ARNT2: variants seen among roughly 807,000 people sequenced by gnomAD.
ARNT2 encodes ARNT protein 2.
Under a neutral mutation model 91.7 loss-of-function variants are expected in ARNT2, and 36 were observed. The ratio of observed to expected loss-of-function variants is 0.39; its 90% CI spans 0.30 to 0.52. The LOEUF is 0.52. Ranked by LOEUF, ARNT2 falls within the 20% of genes least tolerant of loss-of-function variation. The pLI is 0.72. For missense variants in ARNT2, 775 were observed against 939.3 expected (o/e 0.83, Z 2.29); for synonymous variants, 365 against 347.1 (o/e 1.05, Z -0.57).
chr15:80,529,112 T>C (rs1035327141), intron 8 of ARNT2, among the ~76,000 whole-genome samples: 2 of 152,240 alleles, frequency 1.3e-5, no homozygotes, highest in African/African-American at 4.8e-5. Flanking sequence ...GAGCAGGTGC[T>C]TCATTTCATG....
Position 80,431,486 on chromosome 15 carries a change from G to T in ARNT2, c.32-19394G>T, listed in dbSNP as rs558463074. ...GCTTCCCTTCAGGGTCCTGAAGAGG[G>T]CACAGAGGGCTCCCTGGCTCCCTTT... On this transcript the variant is annotated intron_variant, in intron 1 of 18. Coordinates refer to ENST00000303329, the MANE Select transcript of ARNT2 (RefSeq NM_014862.4). Among the ~76,000 whole-genome samples the T allele has an allele frequency of 5.6e-4, 85 of 152,246 alleles. 1 individual carries two copies. The South Asian group carries it at 0.017, about 30-fold the overall frequency.
intron 1 of ARNT2, among the ~76,000 whole-genome samples, chr15:80,439,028 A>C (rs1160997896): frequency 6.6e-6 from 1 of 152,146 alleles, no homozygotes; most frequent in African/African-American, 2.4e-5. Flanking sequence ...TTGATAATTG[A>C]TTTGCACACA....
intron 18 of ARNT2, among the ~76,000 whole-genome samples, chr15:80,592,383 C>T (rs529140587): frequency 6.6e-6 from 1 of 152,192 alleles, no homozygotes; most frequent in African/African-American, 2.4e-5. Context: ...AATGGAGGTA[C>T]GAGCCCATTA....
chr15:80,581,424 G>A lies in ARNT2; in HGVS notation c.1918+20G>A. On this transcript the variant is annotated intron_variant, in intron 17 of 18. Transcript: ENST00000303329. ...GGTTCGGTAGGTGGGGAATGAGGGA[G>A]TGAGATTCTGGGAAAGCCAGCACAA... The A allele has an allele frequency of 6.2e-7, 1 of 1,613,714 alleles. No homozygotes were observed. The highest frequency in any genetic ancestry group is 8.5e-7 in the Non-Finnish European group (1 of 1,179,706).
intron 8 of ARNT2, among the ~76,000 whole-genome samples, chr15:80,547,362 C>T (rs571089512): frequency 1.5e-3 from 235 of 152,114 alleles, no homozygotes; most frequent in African/African-American, 5.5e-3. Flanking sequence ...GTTTAAATGC[C>T]GGCTTCACTT....
At chr15:80,568,428 G>C (rs117124442) in intron 12 of ARNT2, among the ~76,000 whole-genome samples, 1 of 152,144 alleles carries the variant, frequency 6.6e-6, no homozygotes, top group African/African-American at 2.4e-5. Context: ...CCTGTTGGTC[G>C]TGCTCGTGTA....
intron 4 of ARNT2, among the ~76,000 whole-genome samples, chr15:80,471,339 G>T (rs1021863824): frequency 6.6e-6 from 1 of 152,208 alleles, no homozygotes; most frequent in African/African-American, 2.4e-5. Context: ...AGAACACATG[G>T]ACACAAAGAG....
At chr15:80,475,373 T>C in intron 5 of ARNT2, 150 bp downstream of exon 5, 1 of 772,688 alleles carries the variant, frequency 1.3e-6, no homozygotes, top group South Asian at 1.8e-5. Flanking sequence ...GCTAACATGG[T>C]GAAACCCCGT....
intron 1 of ARNT2, among the ~76,000 whole-genome samples, chr15:80,420,802 A>C (rs1239409333): frequency 6.6e-6 from 1 of 152,082 alleles, no homozygotes; most frequent in Non-Finnish European, 1.5e-5. Flanking sequence ...GAACGTAATC[A>C]CTCCTGGGAT....
chr15:80,561,647 G>A (rs548375485), intron 11 of ARNT2, among the ~76,000 whole-genome samples: 3 of 152,270 alleles, frequency 2.0e-5, no homozygotes, highest in South Asian at 4.2e-4. Context: ...ATTGTGTGCT[G>A]TTCAGAGTAG....
chr15:80,438,172 C>G (rs1896122608), intron 1 of ARNT2, among the ~76,000 whole-genome samples: 1 of 152,184 alleles, frequency 6.6e-6, no homozygotes, highest in Admixed American at 6.5e-5. Context: ...AAGTTAAACT[C>G]TAAGTCAGAA....
intron 15 of ARNT2, among the ~76,000 whole-genome samples, chr15:80,577,428 AG>A (rs1381580288): frequency 6.6e-6 from 1 of 152,210 alleles, no homozygotes; most frequent in East Asian, 1.9e-4. Context: ...AACCTTCCCA[AG>A]GGTTGGTTCT....
At chr15:80,506,099 G>A (rs1280383512) in intron 5 of ARNT2, among the ~76,000 whole-genome samples, 1 of 151,850 alleles carries the variant, frequency 6.6e-6, no homozygotes, top group East Asian at 1.9e-4. Context: ...ACCGCGCCTG[G>A]CTAATTTTTT....
At position 80,581,384 on chromosome 15, in the gene ARNT2, C is replaced by G. The variant is rs1567007758; in HGVS notation, c.1898C>G (p.Ala633Gly). 3 of 1,614,136 alleles carry G rather than the reference C, an allele frequency of 1.9e-6. No homozygotes were observed. The highest frequency in any genetic ancestry group is 2.5e-6 in the Non-Finnish European group (3 of 1,180,008). Residue 633 changes from alanine (A) to glycine (G), a missense_variant, in exon 17 of 19, where the codon GCC (alanine) becomes GGC (glycine). By Grantham distance (60) the Ala-to-Gly change is moderately conservative (BLOSUM62 0). Coordinates refer to ENST00000303329, the MANE Select transcript of ARNT2 (RefSeq NM_014862.4). ...SPSGNAYSSL[A>G]NRTPGFAESG... is the part of the protein sequence containing the mutation. ...AGTGGGAATGCCTACTCCAGTCTTG[C>G]CAACAGGACTCCAGGGTTCGGTAGG...
At chr15:80,438,708 G>A (rs1369076988) in intron 1 of ARNT2, among the ~76,000 whole-genome samples, 1 of 152,050 alleles carries the variant, frequency 6.6e-6, no homozygotes, top group Non-Finnish European at 1.5e-5. Context: ...TTGGGGTGGG[G>A]GGATGGAGTC....
intron 8 of ARNT2, among the ~76,000 whole-genome samples, chr15:80,521,533 G>A (rs1897545715): frequency 6.6e-6 from 1 of 152,090 alleles, no homozygotes; most frequent in Non-Finnish European, 1.5e-5. Flanking sequence ...TACATAAGGA[G>A]AAAGCAGCTA....
At chr15:80,429,524 TC>T (rs1425779025) in intron 1 of ARNT2, among the ~76,000 whole-genome samples, 3 of 152,238 alleles carry the variant, frequency 2.0e-5, no homozygotes, top group Non-Finnish European at 4.4e-5. Flanking sequence ...ATTTGGCTGT[TC>T]CTGCATTGTA....
chr15:80,446,482 G>A (rs1267199341), intron 1 of ARNT2, among the ~76,000 whole-genome samples: 1 of 152,104 alleles, frequency 6.6e-6, no homozygotes, highest in Non-Finnish European at 1.5e-5. Context: ...ATTGAGAATC[G>A]TGGCCTTAGC....
In ARNT2 at chr15:80,490,878, T is replaced by C. The variant is rs1014492621; in HGVS notation, c.622+15655T>C. Among the ~76,000 whole-genome samples the C allele has an allele frequency of 5.3e-5, 8 of 152,240 alleles. No homozygotes were observed. The East Asian group carries it at 7.7e-4, about 15-fold the overall frequency. ...AATGGACAAACAGGCAGTTATATAA[T>C]GAATATAGAGTCAAATTGGTGGCAT... On this transcript the variant is annotated intron_variant, in intron 5 of 18. Coordinates refer to ENST00000303329, the MANE Select transcript of ARNT2 (RefSeq NM_014862.4).
Sources: gnomAD v4.1 joint callset for allele counts (sites outside exome capture counted in the v4.1 genomes callset) on GRCh38, gnomAD v4.1.1 for gene constraint, MANE v1.5 for transcripts, NCBI Gene and HGNC (gene_info 2026-07-23, HGNC 2026-07-21) for gene names.